CDK14: variants seen among roughly 807,000 people sequenced by gnomAD.
CDK14 encodes the protein cyclin dependent kinase 14.
Under a neutral mutation model 60.7 loss-of-function variants are expected in CDK14, and 34 were observed. The ratio of observed to expected loss-of-function variants is 0.56; its 90% CI spans 0.43 to 0.75. CDK14 has a LOEUF of 0.75. Among genes scored for constraint, CDK14 ranks in the 30% least tolerant of loss-of-function variants. The probability of loss-of-function intolerance (pLI) is 0.00; values close to 1 mark genes in which losing one functional copy is unlikely to be tolerated. For synonymous variants in CDK14, 197 were observed against 203.7 expected, an observed-to-expected ratio of 0.97 and a Z score of 0.28; for missense variants, 482 against 564.1, an observed-to-expected ratio of 0.85 and a Z score of 1.47.
chr7:90,756,526 T>G (rs78609021), intron 4 of CDK14, among the ~76,000 whole-genome samples: 1,588 of 152,340 alleles, frequency 0.01, 24 homozygotes, highest in African/African-American at 0.035. Context: ...CCTGGTCACA[T>G]GTAGTACTTC....
At chr7:90,744,622 G>A (rs1232514786) in intron 3 of CDK14, among the ~76,000 whole-genome samples, 1 of 151,562 alleles carries the variant, frequency 6.6e-6, no homozygotes, top group African/African-American at 2.4e-5. Context: ...CGGATGGGGC[G>A]GCTGGCTGGG....
At chr7:91,107,325 A>G (rs1379016361) in intron 12 of CDK14, 2 of 152,238 alleles carry the variant, frequency 1.3e-5, no homozygotes, top group Non-Finnish European at 2.9e-5. Context: ...AACTCAAATG[A>G]ATAGGTCAGG....
intron 5 of CDK14, among the ~76,000 whole-genome samples, chr7:90,850,850 T>C (rs892162245): frequency 8.5e-5 from 13 of 152,170 alleles, no homozygotes; most frequent in Non-Finnish European, 5.9e-5. Flanking sequence ...TGAGCAGCAG[T>C]TTCCTCTTTA....
chr7:91,001,601 A>G (rs1419777674), intron 10 of CDK14, among the ~76,000 whole-genome samples: 1 of 152,236 alleles, frequency 6.6e-6, no homozygotes, highest in Non-Finnish European at 1.5e-5. Flanking sequence ...ATATGAATAT[A>G]AAGAAACTTT....
At chr7:90,751,391 C>A (rs948168205) in intron 4 of CDK14, among the ~76,000 whole-genome samples, 2 of 152,060 alleles carry the variant, frequency 1.3e-5, no homozygotes, top group African/African-American at 4.8e-5. Context: ...AAATAAATCT[C>A]GGCCAAGAAT....
At chr7:90,922,165 A>G (rs1179372583) in intron 8 of CDK14, among the ~76,000 whole-genome samples, 1 of 152,210 alleles carries the variant, frequency 6.6e-6, no homozygotes, top group East Asian at 1.9e-4. Context: ...ATAGTCATAA[A>G]TTTAAGGTTA....
At chr7:91,157,744 G>A (rs1022999327) in intron 14 of CDK14, among the ~76,000 whole-genome samples, 25 of 152,112 alleles carry the variant, frequency 1.6e-4, no homozygotes, top group Admixed American at 6.5e-4. Context: ...CTCCTGCATG[G>A]CACATGGAAA....
At chr7:90,857,641 A>G (rs1790868782) in intron 5 of CDK14, among the ~76,000 whole-genome samples, 1 of 152,242 alleles carries the variant, frequency 6.6e-6, no homozygotes, top group South Asian at 2.1e-4. Context: ...CAATGACAGA[A>G]TAACATGTCT....
intron 2 of CDK14, among the ~76,000 whole-genome samples, chr7:90,681,794 T>A (rs1801324284): frequency 6.6e-6 from 1 of 152,164 alleles, no homozygotes; most frequent in Non-Finnish European, 1.5e-5. Flanking sequence ...TTATGAAACC[T>A]GATACTGGAA....
At chr7:90,662,985 A>G (rs1800893250) in intron 2 of CDK14, among the ~76,000 whole-genome samples, 1 of 152,078 alleles carries the variant, frequency 6.6e-6, no homozygotes, top group Non-Finnish European at 1.5e-5. Flanking sequence ...GGCTAGGGGA[A>G]ATGGATGTGA....
intron 14 of CDK14, among the ~76,000 whole-genome samples, chr7:91,178,558 C>T (rs1277539885): frequency 3.3e-5 from 5 of 151,942 alleles, no homozygotes; most frequent in Admixed American, 2.0e-4. Flanking sequence ...TCACAACCTA[C>T]TCATATGACA....
intron 4 of CDK14, among the ~76,000 whole-genome samples, chr7:90,782,232 G>A (rs1448893053): frequency 6.6e-6 from 1 of 152,108 alleles, no homozygotes; most frequent in East Asian, 1.9e-4. Flanking sequence ...TATTATTGGT[G>A]TATAAGAATG....
At chr7:90,903,201 TC>T (rs1792574953) in intron 7 of CDK14, among the ~76,000 whole-genome samples, 1 of 152,146 alleles carries the variant, frequency 6.6e-6, no homozygotes, top group Non-Finnish European at 1.5e-5. Context: ...AATTGAACTA[TC>T]ATATGATCCA....
intron 14 of CDK14, among the ~76,000 whole-genome samples, chr7:91,194,472 A>G (rs757197204): frequency 3.2e-4 from 49 of 152,110 alleles, no homozygotes; most frequent in Non-Finnish European, 5.9e-4. Context: ...TATATGTTCT[A>G]TTAAATTATT....
chr7:90,809,046 G>T (rs1188900708), intron 5 of CDK14, among the ~76,000 whole-genome samples: 1 of 152,088 alleles, frequency 6.6e-6, no homozygotes, highest in Non-Finnish European at 1.5e-5. Flanking sequence ...CCCACTGTCA[G>T]CATTAGACAG....
intron 4 of CDK14, 31 bp downstream of exon 4, chr7:90,747,806 T>A (rs747247363): frequency 8.4e-7 from 1 of 1,184,796 alleles, no homozygotes; most frequent in East Asian, 2.7e-5. Context: ...ATATTTCACA[T>A]GTACAGTGTA....
chr7:91,171,073 G>C (rs1296853975), intron 14 of CDK14, among the ~76,000 whole-genome samples: 1 of 152,096 alleles, frequency 6.6e-6, no homozygotes, highest in African/African-American at 2.4e-5. Context: ...TTCCGGGCTG[G>C]GTGCAGTGGC....
chr7:90,730,747 A>G (rs891595242), intron 3 of CDK14, among the ~76,000 whole-genome samples: 1 of 151,884 alleles, frequency 6.6e-6, no homozygotes, highest in Admixed American at 6.6e-5. Context: ...TAGATTCTGG[A>G]TATTAGCCCT....
intron 6 of CDK14, among the ~76,000 whole-genome samples, chr7:90,880,431 A>G (rs1235466765): frequency 6.6e-6 from 1 of 152,110 alleles, no homozygotes; most frequent in Non-Finnish European, 1.5e-5. Context: ...CAGAATTCGG[A>G]TCTCCCTGGA....
Sources: allele counts gnomAD v4.1 joint callset (sites outside exome capture counted in the v4.1 genomes callset), GRCh38; gene constraint gnomAD v4.1.1; transcripts MANE v1.5; gene names NCBI Gene and HGNC (gene_info 2026-07-23, HGNC 2026-07-21).